Variants in KDM5B observed in about 807,000 individuals in gnomAD.
KDM5B encodes the protein lysine-specific demethylase 5B.
A neutral mutation model predicts 193.4 loss-of-function variants in KDM5B; 144 were observed. The observed-to-expected ratio is 0.74, with a 90% confidence interval of 0.65 to 0.86. The LOEUF (loss-of-function observed/expected upper bound fraction) is 0.86. KDM5B is among the 40% of genes least tolerant of loss of function. KDM5B has a pLI of 0.00. For synonymous variants in KDM5B, 668 were observed against 682.6 expected, an observed-to-expected ratio of 0.98 and a Z score of 0.33; for missense variants, 1,833 against 1,886.9, an observed-to-expected ratio of 0.97 and a Z score of 0.53.
At position 202,764,101 on chromosome 1, in the gene KDM5B, T is replaced by G. The variant is rs758324730; in HGVS notation, c.756A>C (p.Arg252Ser). ...KIEPEETTEARTHNLRRRMGC... is the reference protein window; with the variant it reads ...KIEPEETTEASTHNLRRRMGC... The stretch of plus-strand genomic sequence containing the variant: ...CCATTCGACGTCTCAGATTATGAGT[T>G]CTGGCTTCCGTTGTCTCCTCGGGTT... Residue 252 changes from arginine to serine, a missense_variant, in exon 6 of 27, where the codon AGA becomes AGC. Physicochemically the swap from Arg to Ser is moderately radical, Grantham distance 110. This residue lies in a region of KDM5B where 355 missense variants were observed against 374.9 expected (regional missense o/e 0.95). Transcript: ENST00000367265. 2 of 1,589,920 alleles carry G rather than the reference T, an allele frequency of 1.3e-6. No homozygotes were observed. The highest frequency in any genetic ancestry group is 2.3e-5 in the South Asian group (2 of 85,848).
chr1:202,766,519 AG>A, intron 5 of KDM5B: 1 of 433,694 alleles, frequency 2.3e-6, no homozygotes, highest in South Asian at 1.7e-5. Context: ...AAAAAAAAAA[AG>A]AAGTCTGAGA....
intron 4 of KDM5B, chr1:202,767,481 TCA>T: frequency 1.1e-6 from 1 of 940,046 alleles, no homozygotes; most frequent in Admixed American, 2.0e-5. Flanking sequence ...TGGCGGCACC[TCA>T]CCAAGACCTT....
intron 4 of KDM5B, among the ~76,000 whole-genome samples, chr1:202,769,040 C>CTT (rs527911947): frequency 5.9e-5 from 7 of 119,594 alleles, no homozygotes; most frequent in Admixed American, 8.8e-5. Flanking sequence ...CTTTTTTTTT[C>CTT]TTTTTTTTTT....
chr1:202,747,497 C>T (rs1206083750), intron 14 of KDM5B, among the ~76,000 whole-genome samples: 1 of 151,004 alleles, frequency 6.6e-6, no homozygotes, highest in African/African-American at 2.4e-5. Context: ...AGGTAGGTAA[C>T]CTGCTGTTAA....
intron 12 of KDM5B, among the ~76,000 whole-genome samples, chr1:202,751,344 C>T (rs1045127235): frequency 2.6e-5 from 4 of 152,062 alleles, no homozygotes; most frequent in Non-Finnish European, 5.9e-5. Context: ...ACCTAGTGTA[C>T]GGTCCCCCAG....
chr1:202,789,505 C>T (rs1657550073), intron 1 of KDM5B, among the ~76,000 whole-genome samples: 2 of 55,566 alleles, frequency 3.6e-5, no homozygotes, highest in South Asian at 1.2e-3. Context: ...CCACTGAACT[C>T]CAGCCTGGGT....
Position 202,741,512 on chromosome 1 carries a change from T to A in KDM5B, c.2800A>T (p.Thr934Ser). Residue 934 changes from threonine (T) to serine (S), a missense_variant, in exon 19 of 27, where the codon ACT becomes TCT. Around this residue, in one of 3 missense-constraint regions of KDM5B, gnomAD observed 1,379 missense variants for 1,349.6 expected, o/e 1.02. Coordinates refer to ENST00000367265, the MANE Select transcript of KDM5B (RefSeq NM_006618.5). The part of the protein sequence containing the change: ...QQACLDPSSL[T>S]LDDMRRLIDL... ...ATGAGACGTCTCATATCATCTAAAG[T>A]AAGGGAGCTGGGGTCTAGGCAAGCT... The A allele has an allele frequency of 6.2e-7, 1 of 1,614,182 alleles. No homozygotes were observed. The highest frequency in any genetic ancestry group is 8.5e-7 in the Non-Finnish European group (1 of 1,180,020).
In KDM5B at chr1:202,746,183, T is replaced by C; in HGVS notation, c.2157A>G (p.Val719=). 6.2e-7 allele frequency: 1 copy of C among 1,613,540 alleles called. No homozygotes were observed. Among genetic ancestry groups the C allele is most frequent in the East Asian group, 2.2e-5 (1 of 44,872 alleles). The change falls in exon 15 of 27, where the codon GTA becomes GTG. Residue 719 remains valine, a synonymous_variant. Coordinates refer to ENST00000367265, the MANE Select transcript of KDM5B (RefSeq NM_006618.5). ...KPGLLVCLHH[V]KELCSCPPYK... Reference sequence around the variant, plus strand: ...AAGGAGGACAGGAACACAATTCTTTTACATGATGCAGGCAAACAAGAAGGC... The same window carrying C: ...AAGGAGGACAGGAACACAATTCTTTCACATGATGCAGGCAAACAAGAAGGC...
intron 6 of KDM5B, 110 bp from the exon 7 acceptor site, chr1:202,762,918 AC>A (rs1393957900): frequency 1.3e-5 from 9 of 684,434 alleles, no homozygotes; most frequent in Middle Eastern, 6.8e-4. Context: ...GTGTGTTTTC[AC>A]ATTTTAGTAG....
intron 4 of KDM5B, among the ~76,000 whole-genome samples, chr1:202,767,753 T>C (rs567870290): frequency 1.2e-4 from 19 of 152,250 alleles, no homozygotes; most frequent in Middle Eastern, 3.4e-3. Context: ...GCTGACATCA[T>C]CAGGTTACAA....
At chr1:202,799,669 AAGT>A (rs1443741472) in intron 1 of KDM5B, among the ~76,000 whole-genome samples, 1 of 151,958 alleles carries the variant, frequency 6.6e-6, no homozygotes, top group Non-Finnish European at 1.5e-5. Flanking sequence ...AAAAAAAAAA[AAGT>A]AATTTTTAAA....
intron 1 of KDM5B, among the ~76,000 whole-genome samples, chr1:202,784,145 CTG>C (rs1474191791): frequency 6.6e-6 from 1 of 152,194 alleles, no homozygotes; most frequent in Non-Finnish European, 1.5e-5. Context: ...AAAATTCACT[CTG>C]TAGAGGATGT....
At chr1:202,746,065 T>C (rs1655542627) in intron 15 of KDM5B, 77 bp downstream of exon 15, 1 of 1,585,712 alleles carries the variant, frequency 6.3e-7, no homozygotes, top group African/African-American at 1.3e-5. Context: ...ATTTCAGCCC[T>C]AGAACTGCGG....
rs1656310238 is a variant in KDM5B, at chr1:202,762,886, C to CTG, written c.809-80_809-79dup. 3 of 780,322 alleles carry CTG rather than the reference C, an allele frequency of 3.8e-6. No homozygotes were observed. In the East Asian group the frequency reaches 7.3e-5, roughly 19 times the overall value. The allele number at this position is 780,322 out of a possible 1,614,324, so 48.3% of individuals were successfully genotyped here. ...CATCATCTCCCTCCCAAAGCACATA[C>CTG]TGTACACAAACATAATTTCATGTGT... On this transcript the variant is annotated intron_variant, in intron 6 of 26. Transcript: ENST00000367265.
intron 1 of KDM5B, among the ~76,000 whole-genome samples, chr1:202,778,178 A>G (rs1657041211): frequency 6.6e-6 from 1 of 152,134 alleles, no homozygotes; most frequent in Non-Finnish European, 1.5e-5. Context: ...TCACCTCAAA[A>G]AAAAAAAAAT....
chr1:202,799,428 C>T lies in KDM5B; in HGVS notation c.204+8674G>A, dbSNP rs146544348. ...CAGCACTTTGGGAGGCCGAGGTGGGCGGGTCACCTGAGGTCGGGAGTTCGA... is the reference window on the plus strand; with the variant it reads ...CAGCACTTTGGGAGGCCGAGGTGGGTGGGTCACCTGAGGTCGGGAGTTCGA... On this transcript the variant is annotated intron_variant, in intron 1 of 26. Transcript: ENST00000367265. Among the ~76,000 whole-genome samples, 224 of 152,204 alleles carry T rather than the reference C, an allele frequency of 1.5e-3. 11 individuals are homozygous for T. In the East Asian group the frequency reaches 0.037, roughly 25 times the overall value.
intron 12 of KDM5B, 104 bp from the exon 13 acceptor site, chr1:202,750,882 C>T: frequency 1.6e-6 from 2 of 1,245,550 alleles, no homozygotes; most frequent in South Asian, 3.2e-5. Context: ...AAAAAGGCAG[C>T]TTTCTGAAAT....
chr1:202,773,314 A>C, intron 3 of KDM5B, 26 bp from the exon 4 acceptor site: 7 of 1,601,602 alleles, frequency 4.4e-6, no homozygotes, highest in Non-Finnish European at 6.0e-6. Flanking sequence ...AATTAGAAAC[A>C]ACTATATGGA....
At chr1:202,738,884 A>G (rs1035967049) in intron 20 of KDM5B, among the ~76,000 whole-genome samples, 3 of 152,192 alleles carry the variant, frequency 2.0e-5, no homozygotes, top group African/African-American at 7.2e-5. Context: ...CTTTTTTTAA[A>G]CTTATATACA....
Sources: allele counts gnomAD v4.1 joint callset (sites outside exome capture counted in the v4.1 genomes callset), GRCh38; gene constraint gnomAD v4.1.1; regional missense constraint gnomAD v4.1.1; transcripts MANE v1.5; gene names NCBI Gene and HGNC (gene_info 2026-07-23, HGNC 2026-07-21).